HDAC9: variants seen among roughly 807,000 people sequenced by gnomAD.
HDAC9 encodes the protein histone deacetylase 9.
A neutral mutation model predicts 139.4 loss-of-function variants in HDAC9; 41 were observed. The ratio of observed to expected loss-of-function variants is 0.29; its 90% CI spans 0.23 to 0.38. The LOEUF (loss-of-function observed/expected upper bound fraction) is 0.38. Among genes scored for constraint, HDAC9 ranks in the 10% least tolerant of loss-of-function variants. The pLI, the probability that HDAC9 is intolerant of heterozygous loss-of-function variation, is 1.00. For synonymous variants in HDAC9, 517 were observed against 476.2 expected (o/e 1.09, Z -1.12); for missense variants, 1,147 against 1,297.0 (o/e 0.88, Z 1.78).
intron 21 of HDAC9, among the ~76,000 whole-genome samples, chr7:18,836,368 A>G (rs1796237264): frequency 2.6e-5 from 4 of 152,320 alleles, no homozygotes; most frequent in Admixed American, 6.5e-5. Flanking sequence ...GCATTTCTCA[A>G]ACTTCATTGG....
At chr7:18,425,880 T>A (rs924807785) in intron 1 of HDAC9, among the ~76,000 whole-genome samples, 3 of 152,176 alleles carry the variant, frequency 2.0e-5, no homozygotes, top group Non-Finnish European at 4.4e-5. Context: ...CTTCAGAAAT[T>A]ATACCCCTTG....
chr7:18,852,807 C>T (rs185951223), intron 21 of HDAC9, among the ~76,000 whole-genome samples: 2 of 151,148 alleles, frequency 1.3e-5, no homozygotes, highest in East Asian at 1.9e-4. Flanking sequence ...ATACATTTTT[C>T]ATCTGAGGGC....
chr7:18,368,563 A>G (rs1164678057), intron 1 of HDAC9, among the ~76,000 whole-genome samples: 1 of 152,014 alleles, frequency 6.6e-6, no homozygotes, highest in East Asian at 1.9e-4. Context: ...TTCTGGGAAA[A>G]AAAACCCCCA....
intron 17 of HDAC9, among the ~76,000 whole-genome samples, chr7:18,824,084 G>GAAGAAGAAC (rs1554367982): frequency 1.9e-4 from 27 of 144,366 alleles, no homozygotes; most frequent in East Asian, 7.9e-4. Context: ...AGAAGAAGAA[G>GAAGAAGAAC]AAGAACAAGA....
intron 2 of HDAC9, among the ~76,000 whole-genome samples, chr7:18,270,904 A>G (rs919764686): frequency 2.0e-5 from 3 of 152,194 alleles, no homozygotes; most frequent in Admixed American, 1.3e-4. Flanking sequence ...CAAGTTAACA[A>G]AATTTTCCCT....
intron 2 of HDAC9, among the ~76,000 whole-genome samples, chr7:18,563,754 T>C (rs1432221334): frequency 6.6e-6 from 1 of 152,010 alleles, no homozygotes; most frequent in African/African-American, 2.4e-5. Flanking sequence ...ATTATTTTTT[T>C]TTATTATACT....
rs186155176 is a variant in HDAC9 at position 18,360,783 on chromosome 7, G to C, written c.-42+70268G>C. ...ACCAGTAAAAATGTTTACTTTCCAA[G>C]AGTTGACATTTTTTTATACTTACTT... On this transcript the variant is annotated intron_variant, in intron 1 of 3. Coordinates refer to the HDAC9 transcript ENST00000413509. Among the ~76,000 whole-genome samples the C allele has an allele frequency of 9.9e-4, 151 of 152,142 alleles. 2 individuals carry two copies. Among genetic ancestry groups the C allele is most frequent in the Non-Finnish European group, 1.8e-3 (122 of 68,000 alleles).
intron 2 of HDAC9, among the ~76,000 whole-genome samples, chr7:18,555,355 C>T (rs924968873): frequency 2.6e-5 from 4 of 152,084 alleles, no homozygotes; most frequent in Admixed American, 2.0e-4. Context: ...CAAAAAATTC[C>T]GAAGTCTTCA....
At chr7:18,568,427 T>A (rs1249255368) in intron 2 of HDAC9, among the ~76,000 whole-genome samples, 2 of 152,216 alleles carry the variant, frequency 1.3e-5, no homozygotes, top group African/African-American at 4.8e-5. Context: ...AAGCTGTGTA[T>A]TCAAAGAGAA....
intron 8 of HDAC9, among the ~76,000 whole-genome samples, chr7:18,638,154 TA>T (rs1369340189): frequency 6.6e-6 from 1 of 152,120 alleles, no homozygotes; most frequent in Non-Finnish European, 1.5e-5. Flanking sequence ...TAAGTTTTCG[TA>T]TTAAAGTAGT....
intron 2 of HDAC9, among the ~76,000 whole-genome samples, chr7:18,210,263 AG>A (rs1415436321): frequency 6.6e-6 from 1 of 152,184 alleles, no homozygotes; most frequent in Non-Finnish European, 1.5e-5. Context: ...TTATAGTCTA[AG>A]GGGGAAACTT....
chr7:18,232,346 C>A (rs79949876), intron 2 of HDAC9, among the ~76,000 whole-genome samples: 816 of 152,136 alleles, frequency 5.4e-3, no homozygotes, highest in South Asian at 0.012. Context: ...CTGTTTCTTT[C>A]CTTGTTACTG....
intron 2 of HDAC9, among the ~76,000 whole-genome samples, chr7:18,523,464 A>G (rs1805733415): frequency 6.6e-6 from 1 of 152,212 alleles, no homozygotes; most frequent in South Asian, 2.1e-4. Flanking sequence ...TTCCACATTC[A>G]TAACTGGGTA....
At chr7:18,309,482 G>A (rs1264675619) in intron 1 of HDAC9, among the ~76,000 whole-genome samples, 2 of 152,120 alleles carry the variant, frequency 1.3e-5, no homozygotes, top group Non-Finnish European at 2.9e-5. Flanking sequence ...AAAAAAAATG[G>A]TAAAGGTAGC....
At chr7:18,183,563 A>G (rs141288675) in intron 2 of HDAC9, among the ~76,000 whole-genome samples, 1 of 152,346 alleles carries the variant, frequency 6.6e-6, no homozygotes, top group African/African-American at 2.4e-5. Context: ...CACAGAAGAT[A>G]GCTGCTTTTG....
At chr7:18,766,991 T>C (rs528584335) in intron 15 of HDAC9, 115 bp from the exon 16 acceptor site, 16 of 477,464 alleles carry the variant, frequency 3.4e-5, no homozygotes, top group African/African-American at 3.0e-4. Context: ...TAATTTATTT[T>C]TGCATCAAAC....
chr7:18,287,633 G>A (rs977476030), upstream of HDAC9, among the ~76,000 whole-genome samples: 1 of 152,222 alleles, frequency 6.6e-6, no homozygotes, highest in African/African-American at 2.4e-5. Context: ...GCCACAGTTG[G>A]CCTTAGCCAG....
intron 2 of HDAC9, among the ~76,000 whole-genome samples, chr7:18,504,067 A>G (rs1006991051): frequency 1.3e-5 from 2 of 152,208 alleles, no homozygotes; most frequent in Non-Finnish European, 2.9e-5. Flanking sequence ...GAAGGTTTTC[A>G]GGGAACCCCA....
chr7:18,681,075 A>G (rs1781858960), intron 12 of HDAC9, among the ~76,000 whole-genome samples: 1 of 151,968 alleles, frequency 6.6e-6, no homozygotes, highest in Non-Finnish European at 1.5e-5. Context: ...TTTGTTGGTA[A>G]AAACTGAGGA....
Sources: allele counts gnomAD v4.1 joint callset (sites outside exome capture counted in the v4.1 genomes callset), GRCh38; gene constraint gnomAD v4.1.1; transcripts MANE v1.5; gene names NCBI Gene and HGNC (gene_info 2026-07-23, HGNC 2026-07-21).